MAD1L1: variants seen among roughly 807,000 people sequenced by gnomAD.
The protein encoded by MAD1L1 is mitotic arrest deficient 1 like 1.
MAD1L1 carries 95 observed loss-of-function variants against 96.9 expected under a neutral mutation model. The ratio of observed to expected loss-of-function variants is 0.98; its 90% CI spans 0.83 to 1.16. The LOEUF (loss-of-function observed/expected upper bound fraction) is 1.16, where lower values mean the gene tolerates loss of function less well. MAD1L1 is among the 50% of genes most tolerant of loss of function. The pLI, the probability that MAD1L1 is intolerant of heterozygous loss-of-function variation, is 0.00. For synonymous variants in MAD1L1, 473 were observed against 396.6 expected (o/e 1.19, Z -2.29); for missense variants, 1,007 against 954.4 (o/e 1.06, Z -0.73).
rs544173715 is a variant in MAD1L1, at chr7:2,001,697, G to A, written c.1416+368C>T. Among the ~76,000 whole-genome samples, 7 of 152,366 alleles carry A rather than the reference G, an allele frequency of 4.6e-5. No individual in the cohort carries two copies. In the South Asian group the frequency reaches 8.3e-4, roughly 18 times the overall value. On this transcript the variant is annotated intron_variant, in intron 14 of 18. Coordinates refer to ENST00000265854, the MANE Select transcript of MAD1L1 (RefSeq NM_001013836.2). ...CTGGGGACTCGGGTCCTGTGTGGTCGGGACAGGGGTCCATGAAGCCACAGC... is the reference window on the plus strand; with the variant it reads ...CTGGGGACTCGGGTCCTGTGTGGTCAGGACAGGGGTCCATGAAGCCACAGC...
At chr7:2,124,600 G>A (rs973220557) in intron 11 of MAD1L1, among the ~76,000 whole-genome samples, 1 of 152,160 alleles carries the variant, frequency 6.6e-6, no homozygotes, top group African/African-American at 2.4e-5. Flanking sequence ...CTGGCAGAGA[G>A]GAGGTCACGA....
intron 11 of MAD1L1, among the ~76,000 whole-genome samples, chr7:2,074,034 T>G (rs2128533053): frequency 6.6e-6 from 1 of 152,128 alleles, no homozygotes; most frequent in Admixed American, 6.5e-5. Context: ...GACGACACTG[T>G]GGAATGCTCG....
intron 12 of MAD1L1, among the ~76,000 whole-genome samples, chr7:2,031,107 T>C (rs1002639493): frequency 2.2e-4 from 34 of 152,186 alleles, no homozygotes; most frequent in African/African-American, 8.2e-4. Context: ...GCATTCTCCA[T>C]GAACTGCACC....
At chr7:2,037,311 T>C (rs1783484687) in intron 12 of MAD1L1, among the ~76,000 whole-genome samples, 1 of 152,014 alleles carries the variant, frequency 6.6e-6, no homozygotes, top group South Asian at 2.1e-4. Context: ...GTTAACATCT[T>C]ACACGAGCAC....
At chr7:2,123,557 C>T (rs1196138744) in intron 11 of MAD1L1, among the ~76,000 whole-genome samples, 1 of 152,164 alleles carries the variant, frequency 6.6e-6, no homozygotes, top group Non-Finnish European at 1.5e-5. Flanking sequence ...CACCCCAGTC[C>T]ACCCAGGGAG....
At chr7:1,893,299 T>C (rs1042229500) in intron 18 of MAD1L1, among the ~76,000 whole-genome samples, 1 of 95,060 alleles carries the variant, frequency 1.1e-5, no homozygotes, top group Non-Finnish European at 2.3e-5. Context: ...CTGGCTGGGA[T>C]GGGAAGCAGA....
intron 12 of MAD1L1, among the ~76,000 whole-genome samples, chr7:2,047,951 C>T (rs1027775277): frequency 3.2e-4 from 48 of 152,348 alleles, no homozygotes; most frequent in Admixed American, 9.8e-4. Flanking sequence ...GCTCACAAAG[C>T]ACACGTGCAC....
At position 2,060,238 on chromosome 7, in the gene MAD1L1, G is replaced by A. The variant is rs536430540; in HGVS notation, c.1218+8956C>T. 4.0e-5 allele frequency among the ~76,000 whole-genome samples: 6 copies of A among 150,652 alleles called. No individual in the cohort carries two copies. The East Asian group carries it at 7.8e-4, about 20-fold the overall frequency. ...AGTTACGCCGATGCCGAGATACGCC[G>A]ATGCCGAGATACGCCGATGCCGAGA... On this transcript the variant is annotated intron_variant, in intron 12 of 18. Coordinates refer to ENST00000265854, the MANE Select transcript of MAD1L1 (RefSeq NM_001013836.2).
intron 11 of MAD1L1, among the ~76,000 whole-genome samples, chr7:2,117,093 G>A (rs1469213023): frequency 6.6e-6 from 1 of 152,206 alleles, no homozygotes; most frequent in African/African-American, 2.4e-5. Context: ...GGCAGAGGCA[G>A]CCAGGCAGGC....
intron 18 of MAD1L1, among the ~76,000 whole-genome samples, chr7:1,838,097 G>A (rs1345597512): frequency 6.6e-6 from 1 of 152,228 alleles, no homozygotes; most frequent in East Asian, 1.9e-4. Context: ...AGGGGCTGCA[G>A]TCCCTCTACC....
chr7:1,824,281 C>G (rs1475943175), intron 18 of MAD1L1, among the ~76,000 whole-genome samples: 1 of 152,212 alleles, frequency 6.6e-6, no homozygotes, highest in African/African-American at 2.4e-5. Context: ...GCTTTCGCAC[C>G]CACCAGAACT....
chr7:2,065,878 T>C (rs1037223585), intron 12 of MAD1L1, among the ~76,000 whole-genome samples: 2 of 152,210 alleles, frequency 1.3e-5, no homozygotes, highest in African/African-American at 4.8e-5. Context: ...AGTTTCTTGC[T>C]AAAAGTTAGC....
At chr7:2,120,649 C>T (rs1310478685) in intron 11 of MAD1L1, among the ~76,000 whole-genome samples, 3 of 152,228 alleles carry the variant, frequency 2.0e-5, no homozygotes, top group Non-Finnish European at 4.4e-5. Context: ...TGCTCTGTTT[C>T]CCCAACAACA....
chr7:2,218,073 A>T, intron 6 of MAD1L1, 30 bp from the exon 7 acceptor site: 1 of 1,559,302 alleles, frequency 6.4e-7, no homozygotes, highest in Non-Finnish European at 8.8e-7. Context: ...TCACACACAG[A>T]AACAGGCATG....
intron 14 of MAD1L1, among the ~76,000 whole-genome samples, chr7:1,999,467 G>A (rs556932394): frequency 6.6e-6 from 1 of 152,254 alleles, no homozygotes; most frequent in African/African-American, 2.4e-5. Flanking sequence ...CCATGACTGT[G>A]TCTGCTGGGA....
chr7:1,983,196 A>G (rs1268353795), intron 14 of MAD1L1, among the ~76,000 whole-genome samples: 4 of 150,828 alleles, frequency 2.7e-5, no homozygotes, highest in African/African-American at 9.8e-5. Flanking sequence ...ACAGGCTTGT[A>G]AGGCCTTTGC....
chr7:2,060,965 A>G (rs1584225659), intron 12 of MAD1L1, among the ~76,000 whole-genome samples: 1 of 152,380 alleles, frequency 6.6e-6, no homozygotes, highest in East Asian at 1.9e-4. Context: ...CTACGAGAAG[A>G]TAACTAAATA....
chr7:1,936,973 C>A (rs1340086121), intron 16 of MAD1L1, 76 bp from the exon 17 acceptor site: 9 of 1,220,954 alleles, frequency 7.4e-6, no homozygotes, highest in Non-Finnish European at 1.0e-5. Context: ...GCATGGGTCA[C>A]CATGGCCCAG....
intron 11 of MAD1L1, among the ~76,000 whole-genome samples, chr7:2,125,959 G>C (rs548262983): frequency 1.3e-5 from 2 of 152,242 alleles, no homozygotes; most frequent in Admixed American, 6.5e-5. Flanking sequence ...CGTTTACAGC[G>C]CCACAGGTGA....
Sources: allele counts gnomAD v4.1 joint callset (sites outside exome capture counted in the v4.1 genomes callset), GRCh38; gene constraint gnomAD v4.1.1; transcripts MANE v1.5; gene names NCBI Gene and HGNC (gene_info 2026-07-23, HGNC 2026-07-21).